Variants in FBXO47 observed in about 807,000 individuals in gnomAD.
FBXO47 encodes F-box only protein 47.
In FBXO47, 34 loss-of-function variants were observed where a neutral mutation model predicts 53.9. The observed-to-expected ratio is 0.63, with a 90% CI of 0.48 to 0.84. The LOEUF (loss-of-function observed/expected upper bound fraction) is 0.84. Ranked by LOEUF, FBXO47 falls within the 40% of genes least tolerant of loss-of-function variation. The pLI is 0.00. For missense variants in FBXO47, 485 were observed against 541.3 expected (o/e 0.90, Z 1.03); for synonymous variants, 165 against 181.6 (o/e 0.91, Z 0.73).
chr17:38,957,326 GT>G, intron 3 of FBXO47, 73 bp from the exon 4 acceptor site: 2 of 1,052,856 alleles, frequency 1.9e-6, no homozygotes, highest in South Asian at 2.6e-5. Flanking sequence ...ACAGAATAAT[GT>G]TTCCTGAAAG....
chr17:38,966,419 C>T (rs1156780363), intron 1 of FBXO47, among the ~76,000 whole-genome samples: 2 of 152,194 alleles, frequency 1.3e-5, no homozygotes, highest in African/African-American at 4.8e-5. Flanking sequence ...CCAGCCTGGT[C>T]TCGATTTCCT....
At chr17:38,940,158 G>C (rs1288391693) in intron 9 of FBXO47, among the ~76,000 whole-genome samples, 4 of 151,938 alleles carry the variant, frequency 2.6e-5, no homozygotes, top group Non-Finnish European at 1.5e-5. Context: ...CACAGTACTG[G>C]ATTTCAAAGA....
chr17:38,946,252 A>G (rs1904793895), intron 6 of FBXO47, among the ~76,000 whole-genome samples: 1 of 108,676 alleles, frequency 9.2e-6, no homozygotes, highest in Non-Finnish European at 1.6e-5. Context: ...ATATAAATAT[A>G]AAAATATGTA....
At chr17:38,948,635 TTC>T (rs1462200436) in intron 6 of FBXO47, among the ~76,000 whole-genome samples, 1 of 152,148 alleles carries the variant, frequency 6.6e-6, no homozygotes, top group East Asian at 1.9e-4. Context: ...CAGCACTTCA[TTC>T]TTTTTTTTTC....
chr17:38,952,196 C>T (rs908451575), intron 5 of FBXO47, among the ~76,000 whole-genome samples: 12 of 151,748 alleles, frequency 7.9e-5, no homozygotes, highest in Non-Finnish European at 1.6e-4. Context: ...CTCGGTGGCA[C>T]GCACATGTAG....
At position 38,963,122 on chromosome 17, in the gene FBXO47, T is replaced by TA. The variant is rs1555562585; in HGVS notation, c.-26-72dup. The stretch of plus-strand genomic sequence containing the variant: ...AAAGCAAGAAAGAGATTTTTTTTTT[T>TA]AAACGAAGAGGTTGATAGTACGATA... On this transcript the variant is annotated intron_variant, in intron 1 of 10. Transcript: ENST00000378079. 8 of 982,214 alleles carry TA rather than the reference T, an allele frequency of 8.1e-6. No individual in the cohort carries two copies. The African/African-American group carries it at 1.3e-4, about 16-fold the overall frequency. 60.8% of individuals were successfully genotyped at this position (982,214 alleles called of 1,614,324 possible).
intron 3 of FBXO47, 135 bp from the exon 4 acceptor site, chr17:38,957,388 A>G (rs1227817422): frequency 3.3e-6 from 2 of 598,932 alleles, no homozygotes; most frequent in Non-Finnish European, 5.8e-6. Context: ...TTTCTAAGAG[A>G]AAGTTTGGGA....
Position 38,941,095 on chromosome 17 carries a change from C to T in FBXO47, c.1083+1683G>A, listed in dbSNP as rs543026664. 7.9e-4 allele frequency among the ~76,000 whole-genome samples: 120 copies of T among 151,918 alleles called. 1 individual carries two copies. The highest frequency in any genetic ancestry group is 2.4e-3 in the African/African-American group (99 of 41,262). On this transcript the variant is annotated intron_variant, in intron 9 of 10. Transcript: ENST00000378079. ...GACCACCCAGACTCAAGTGATCTTC[C>T]CACTTCAGCTCCTGAGTAGCTGAGC... is the stretch of plus-strand genomic sequence containing the variant.
intron 3 of FBXO47, 116 bp downstream of exon 3, chr17:38,961,761 A>G: frequency 1.2e-6 from 1 of 857,384 alleles, no homozygotes; most frequent in Non-Finnish European, 1.8e-6. Context: ...ACATCATAGA[A>G]ACAGGCATAT....
intron 6 of FBXO47, among the ~76,000 whole-genome samples, chr17:38,950,575 C>T (rs557577630): frequency 3.3e-5 from 5 of 151,200 alleles, no homozygotes; most frequent in Non-Finnish European, 5.9e-5. Context: ...GCTGAGATTA[C>T]AAGCATGAGC....
At chr17:38,966,390 C>T (rs542931924) in intron 1 of FBXO47, among the ~76,000 whole-genome samples, 11 of 152,202 alleles carry the variant, frequency 7.2e-5, no homozygotes, top group African/African-American at 2.4e-4. Flanking sequence ...TTAGTAGAGA[C>T]GGGGTTTCAC....
At chr17:38,955,167 C>T (rs934322809) in intron 4 of FBXO47, among the ~76,000 whole-genome samples, 2 of 152,030 alleles carry the variant, frequency 1.3e-5, no homozygotes, top group African/African-American at 4.8e-5. Flanking sequence ...GTGGGCAGAT[C>T]ACGAGGTCAG....
intron 7 of FBXO47, among the ~76,000 whole-genome samples, 195 bp downstream of exon 7, chr17:38,944,765 G>T (rs1178007871): frequency 6.6e-6 from 1 of 151,838 alleles, no homozygotes; most frequent in Admixed American, 6.6e-5. Flanking sequence ...CAGCTACTTG[G>T]GAGGCTGAGG....
At chr17:38,955,553 C>T (rs1281946420) in intron 4 of FBXO47, among the ~76,000 whole-genome samples, 1 of 151,824 alleles carries the variant, frequency 6.6e-6, no homozygotes, top group Non-Finnish European at 1.5e-5. Flanking sequence ...AAGTGATTCT[C>T]ATGCCTTAGC....
intron 4 of FBXO47, among the ~76,000 whole-genome samples, chr17:38,956,122 T>A (rs2143949459): frequency 6.8e-6 from 1 of 146,112 alleles, no homozygotes; most frequent in East Asian, 2.1e-4. Flanking sequence ...GAGGACAGAG[T>A]GAGACTCCAT....
chr17:38,943,904 G>A (rs867994264), intron 7 of FBXO47, among the ~76,000 whole-genome samples, 168 bp from the exon 8 acceptor site: 10 of 152,082 alleles, frequency 6.6e-5, no homozygotes, highest in African/African-American at 9.7e-5. Context: ...AGATTTGAAC[G>A]TCTCTGGCCG....
At chr17:38,951,233 T>C (rs1905265321) in intron 6 of FBXO47, among the ~76,000 whole-genome samples, 1 of 151,958 alleles carries the variant, frequency 6.6e-6, no homozygotes, top group Admixed American at 6.6e-5. Flanking sequence ...TCACACTCTG[T>C]TGCTCAGGTT....
At chr17:38,956,792 T>G (rs1905578024) in intron 4 of FBXO47, among the ~76,000 whole-genome samples, 1 of 152,104 alleles carries the variant, frequency 6.6e-6, no homozygotes, top group Non-Finnish European at 1.5e-5. Flanking sequence ...ATTAAAATAC[T>G]TTCCCATGTT....
chr17:38,961,517 G>A (rs1272008341), intron 3 of FBXO47, among the ~76,000 whole-genome samples: 1 of 152,140 alleles, frequency 6.6e-6, no homozygotes, highest in Non-Finnish European at 1.5e-5. Context: ...CTATTTTAAA[G>A]GACTAGATTA....
Sources: gnomAD v4.1 joint callset for allele counts (sites outside exome capture counted in the v4.1 genomes callset) on GRCh38, gnomAD v4.1.1 for gene constraint, MANE v1.5 for transcripts, NCBI Gene and HGNC (gene_info 2026-07-23, HGNC 2026-07-21) for gene names.